Variants in ERCC6 observed in about 807,000 individuals in gnomAD.
ERCC6 encodes the protein DNA excision repair protein ERCC-6.
A neutral mutation model predicts 158.7 loss-of-function variants in ERCC6; 116 were observed. The observed-to-expected ratio is 0.73, with a 90% CI of 0.63 to 0.85. The LOEUF (loss-of-function observed/expected upper bound fraction) is 0.85, where lower values mean the gene tolerates loss of function less well. ERCC6 is among the 40% of genes least tolerant of loss of function. ERCC6 has a pLI of 0.00. For synonymous variants in ERCC6, 678 were observed against 659.3 expected (o/e 1.03, Z -0.43); for missense variants, 1,698 against 1,799.4 (o/e 0.94, Z 1.02).
At chr10:49,435,344 G>T in the ERCC6 span, among the ~76,000 whole-genome samples, 1 of 152,154 alleles carries the variant, frequency 6.6e-6, no homozygotes, top group Non-Finnish European at 1.5e-5. Flanking sequence ...GAAAATTTAA[G>T]CAACCCAGTT....
At chr10:49,501,732 G>T (rs1851357911) in intron 6 of ERCC6, 1 of 151,752 alleles carries the variant, frequency 6.6e-6, no homozygotes, top group Non-Finnish European at 1.5e-5. Context: ...GAGGCAGGAG[G>T]ATCATTTAAG....
At chr10:49,451,263 C>T (rs183345414), downstream of ERCC6, among the ~76,000 whole-genome samples, 1 of 146,942 alleles carries the variant, frequency 6.8e-6, no homozygotes, top group Admixed American at 6.9e-5. Flanking sequence ...TCTTCCTTTC[C>T]AACCTTTATT....
chr10:49,452,008 TATTG>T (rs1850426156), downstream of ERCC6, among the ~76,000 whole-genome samples: 2 of 152,166 alleles, frequency 1.3e-5, no homozygotes, highest in African/African-American at 4.8e-5. Context: ...ATTGCCTTTT[TATTG>T]GTCAACCTAG....
intron 6 of ERCC6, chr10:49,502,689 A>T: frequency 6.6e-6 from 1 of 152,214 alleles, no homozygotes; most frequent in East Asian, 1.9e-4. Context: ...GTTCTCAGCC[A>T]GGGGTAATTC....
Position 49,535,210 on chromosome 10 carries a change from AAGGAAGCAGATAGGAAGC to A in ERCC6, c.-14-2250_-14-2233del, listed in dbSNP as rs1219560333. On this transcript the variant is annotated intron_variant, in intron 1 of 20. Transcript: ENST00000355832. ...CAGTCACAAAAATGAGACTCTCAAA[AAGGAAGCAGATAGGAAGC>A]AGGACTGGCAAGCAGCTTACATGTA... Among the ~76,000 whole-genome samples the A allele has an allele frequency of 4.6e-5, 7 of 152,350 alleles. No homozygotes were observed. In the East Asian group the frequency reaches 1.3e-3, roughly 29 times the overall value.
chr10:49,478,143 G>A (rs1850910585), intron 11 of ERCC6, among the ~76,000 whole-genome samples: 1 of 152,218 alleles, frequency 6.6e-6, no homozygotes, highest in Admixed American at 6.5e-5. Flanking sequence ...TAAAAGAGTA[G>A]CTATAGGAAT....
At chr10:49,447,749 C>A in the ERCC6 span, among the ~76,000 whole-genome samples, 1 of 151,690 alleles carries the variant, frequency 6.6e-6, no homozygotes, top group Non-Finnish European at 1.5e-5. Flanking sequence ...CCCCTCCCCA[C>A]CCCAGCCTCT....
the ERCC6 span, among the ~76,000 whole-genome samples, chr10:49,442,073 G>C: frequency 3.9e-5 from 6 of 152,162 alleles, no homozygotes; most frequent in Non-Finnish European, 5.9e-5. Flanking sequence ...CGGGGGAAGG[G>C]GTGGGGGCCT....
chr10:49,455,334 T>C lies in ERCC6; in HGVS notation c.*3481A>G, dbSNP rs1850468036. 1 of 152,248 alleles carries C rather than the reference T, an allele frequency of 6.6e-6. No individual in the cohort carries two copies. Among genetic ancestry groups the C allele is most frequent in the Non-Finnish European group, 1.5e-5 (1 of 68,050 alleles). The allele number at this position is 152,248 out of a possible 1,614,324, so 9.4% of individuals were successfully genotyped here. A position where few individuals can be genotyped will look rare whatever the true frequency, so the allele number is the denominator to read the frequency against. The stretch of plus-strand genomic sequence containing the variant: ...TTAATTATAAAGAGGTCTATTATTC[T>C]CAAATTAATGTGTAAACAAATGCAA... On this transcript the variant is annotated 3_prime_UTR_variant, in exon 21 of 21. Transcript: ENST00000355832.
chr10:49,520,699 G>A lies in ERCC6; in HGVS notation c.1397+3334C>T, dbSNP rs569231909. On this transcript the variant is annotated intron_variant, in intron 5 of 20. Coordinates refer to ENST00000355832, the MANE Select transcript of ERCC6 (RefSeq NM_000124.4). The stretch of plus-strand genomic sequence containing the variant: ...ACACTCTTCCCAATCCACCCAAACA[G>A]GGCCTCGGAGCCCCCTGAATAGACT... 4.6e-5 allele frequency among the ~76,000 whole-genome samples: 7 copies of A among 152,232 alleles called. No individual in the cohort carries two copies. The South Asian group carries it at 1.5e-3, about 32-fold the overall frequency.
At chr10:49,534,209 C>G (rs1837544057) in intron 1 of ERCC6, among the ~76,000 whole-genome samples, 1 of 149,272 alleles carries the variant, frequency 6.7e-6, no homozygotes. Context: ...ATCAGGTTAG[C>G]AAGAATTCAA....
chr10:49,476,452 A>G, intron 11 of ERCC6, 142 bp from the exon 12 acceptor site: 1 of 638,936 alleles, frequency 1.6e-6, no homozygotes, highest in Non-Finnish European at 2.8e-6. Context: ...TTAAAACAAC[A>G]AAGGGTGACA....
chr10:49,505,657 A>G, intron 6 of ERCC6: 1 of 561,708 alleles, frequency 1.8e-6, no homozygotes, highest in Middle Eastern at 4.8e-4. Context: ...GTCCATATAG[A>G]TTCATCAGTT....
intron 10 of ERCC6, among the ~76,000 whole-genome samples, chr10:49,479,332 A>C (rs1408194998): frequency 6.6e-6 from 1 of 152,204 alleles, no homozygotes; most frequent in Non-Finnish European, 1.5e-5. Context: ...CACAGAAAAA[A>C]AAGTTAAAAA....
intron 11 of ERCC6, among the ~76,000 whole-genome samples, chr10:49,476,798 G>A (rs188957429): frequency 1.5e-4 from 23 of 152,144 alleles, no homozygotes; most frequent in African/African-American, 4.8e-4. Flanking sequence ...CACTCCATGC[G>A]ATCGTGCTCT....
rs374523249 is a variant in ERCC6 at position 49,474,084 on chromosome 10, C to T, written c.2541G>A (p.Leu847=). ...RSGKMIVVES[L]LKIWHKQGQR... Reference sequence around the variant, plus strand: ...GACCCTGCTTGTGCCATATTTTCAACAAAGACTCAACAACAATCATTTTCC... The same window carrying T: ...GACCCTGCTTGTGCCATATTTTCAATAAAGACTCAACAACAATCATTTTCC... Residue 847 remains leucine, a synonymous_variant, in exon 13 of 21, where the codon TTG becomes TTA. Coordinates refer to ENST00000355832, the MANE Select transcript of ERCC6 (RefSeq NM_000124.4). The T allele has an allele frequency of 1.2e-5, 20 of 1,614,038 alleles. No homozygotes were observed. The highest frequency in any genetic ancestry group is 1.7e-5 in the Non-Finnish European group (20 of 1,180,052).
In ERCC6 at chr10:49,458,831, T is replaced by A. The variant is rs779154837; in HGVS notation, c.4466A>T (p.Lys1489Met). The A allele has an allele frequency of 1.2e-6, 2 of 1,614,214 alleles. No individual in the cohort carries two copies. Among genetic ancestry groups the A allele is most frequent in the South Asian group, 2.2e-5 (2 of 91,082 alleles). ...TSGGEGIWKL[K>M]PEYC The stretch of plus-strand genomic sequence containing the variant: ...CAATGTTGTTTAGCAGTATTCTGGC[T>A]TGAGTTTCCAAATTCCTTCACCACC... Residue 1489 changes from lysine (K) to methionine (M), a missense_variant, in exon 21 of 21, where the codon AAG becomes ATG. Coordinates refer to ENST00000355832, the MANE Select transcript of ERCC6 (RefSeq NM_000124.4).
intron 5 of ERCC6, chr10:49,517,194 A>G (rs1443988826): frequency 1.3e-6 from 2 of 1,504,548 alleles, no homozygotes; most frequent in Admixed American, 4.5e-5. Flanking sequence ...TGGAACATGA[A>G]AAATGTCAAA....
chr10:49,517,117 T>C (rs1836999648), intron 5 of ERCC6: 1 of 1,588,126 alleles, frequency 6.3e-7, no homozygotes, highest in Non-Finnish European at 8.6e-7. Context: ...CGAGGCATCT[T>C]GGGACTAAAA....
Sources: gnomAD v4.1 joint callset for allele counts (sites outside exome capture counted in the v4.1 genomes callset) on GRCh38, gnomAD v4.1.1 for gene constraint, MANE v1.5 for transcripts, NCBI Gene and HGNC (gene_info 2026-07-23, HGNC 2026-07-21) for gene names.